GREB1L: variants seen among roughly 807,000 people sequenced by gnomAD.
GREB1L encodes the protein GREB1 like retinoic acid receptor coactivator, also known as GREB1-like protein.
In GREB1L, 17 loss-of-function variants were observed where a neutral mutation model predicts 200.8. The observed-to-expected ratio is 0.08, with a 90% confidence interval of 0.06 to 0.13. The LOEUF (loss-of-function observed/expected upper bound fraction) is 0.13. GREB1L is among the 10% of genes least tolerant of loss of function. The pLI is 1.00. For synonymous variants in GREB1L, 789 were observed against 893.0 expected (o/e 0.88, Z 2.08); for missense variants, 1,657 against 2,367.7 (o/e 0.70, Z 6.23).
chr18:21,500,298 C>A lies in GREB1L; in HGVS notation c.3961C>A (p.Pro1321Thr). Residue 1321 changes from proline to threonine, a missense_variant, in exon 22 of 33, where the codon CCC (proline) becomes ACC (threonine). Transcript: ENST00000424526. ...CCCCCGACGGCTCCTGCTGACAGGGCCCCCACAGGTAGGGCCAAGCCAGCC... is the reference window on the plus strand; with the variant it reads ...CCCCCGACGGCTCCTGCTGACAGGGACCCCACAGGTAGGGCCAAGCCAGCC... ...FHPRRLLLTG[P>T]PQVGKTGSYL... The A allele has an allele frequency of 1.6e-6, 2 of 1,267,344 alleles. No homozygotes were observed. Among genetic ancestry groups the A allele is most frequent in the Non-Finnish European group, 2.2e-6 (2 of 901,250 alleles). 78.5% of individuals were successfully genotyped at this position (1,267,344 alleles called of 1,614,324 possible).
chr18:21,506,164 C>T (rs1031886032), intron 25 of GREB1L, among the ~76,000 whole-genome samples: 7 of 152,078 alleles, frequency 4.6e-5, no homozygotes, highest in Admixed American at 2.0e-4. Context: ...GAGGCCGAGG[C>T]GGGTGGATCA....
At chr18:21,281,335 C>G (rs2038265984) in intron 1 of GREB1L, among the ~76,000 whole-genome samples, 1 of 152,126 alleles carries the variant, frequency 6.6e-6, no homozygotes, top group Non-Finnish European at 1.5e-5. Flanking sequence ...TATTGCCTGT[C>G]CATTTGCTTT....
At chr18:21,280,612 G>A (rs1339716442) in intron 1 of GREB1L, among the ~76,000 whole-genome samples, 1 of 151,966 alleles carries the variant, frequency 6.6e-6, no homozygotes, top group Non-Finnish European at 1.5e-5. Context: ...TACATATATT[G>A]TCTTCTCTTC....
intron 1 of GREB1L, among the ~76,000 whole-genome samples, chr18:21,318,816 A>G (rs1198225643): frequency 6.8e-6 from 1 of 147,050 alleles, no homozygotes; most frequent in East Asian, 1.9e-4. Context: ...ACTGACCAAG[A>G]AGAGCTGGGA....
At chr18:21,487,529 G>A (rs2145829485) in intron 18 of GREB1L, among the ~76,000 whole-genome samples, 1 of 152,284 alleles carries the variant, frequency 6.6e-6, no homozygotes, top group African/African-American at 2.4e-5. Context: ...ACCAGCCCAG[G>A]ATTTATTGAA....
intron 2 of GREB1L, among the ~76,000 whole-genome samples, chr18:21,367,757 G>A (rs1360935865): frequency 6.6e-6 from 1 of 152,142 alleles, no homozygotes; most frequent in Non-Finnish European, 1.5e-5. Context: ...CCTGAATGTG[G>A]TCAAGAAGAA....
At chr18:21,484,329 CA>C (rs141323620) in intron 17 of GREB1L, among the ~76,000 whole-genome samples, 3,444 of 151,940 alleles carry the variant, frequency 0.023, 144 homozygotes, top group African/African-American at 0.079. Context: ...CACCCGCCAC[CA>C]CGCCTGGCTA....
At chr18:21,461,329 G>A (rs775745156) in intron 15 of GREB1L, among the ~76,000 whole-genome samples, 11 of 151,872 alleles carry the variant, frequency 7.2e-5, no homozygotes, top group Non-Finnish European at 1.3e-4. Context: ...CTGGGGTCTC[G>A]TTCCATCAGT....
intron 7 of GREB1L, among the ~76,000 whole-genome samples, chr18:21,413,778 C>T (rs1242564546): frequency 2.6e-5 from 4 of 152,176 alleles, no homozygotes; most frequent in African/African-American, 9.7e-5. Context: ...GCTTGTGAGA[C>T]TTCTATTCCT....
At chr18:21,509,605 T>G (rs2037156648) in intron 27 of GREB1L, among the ~76,000 whole-genome samples, 1 of 152,232 alleles carries the variant, frequency 6.6e-6, no homozygotes, top group Admixed American at 6.5e-5. Flanking sequence ...AAAATGGTTT[T>G]GTTTTGAATA....
At chr18:21,454,685 A>T (rs576672116) in intron 15 of GREB1L, 122 bp downstream of exon 15, 1 of 778,398 alleles carries the variant, frequency 1.3e-6, no homozygotes, top group Non-Finnish European at 2.2e-6. Context: ...AATAAAAATC[A>T]TAAAAGCACT....
At chr18:21,345,333 AACT>A (rs1215775261) in intron 1 of GREB1L, among the ~76,000 whole-genome samples, 32 of 152,228 alleles carry the variant, frequency 2.1e-4, no homozygotes, top group African/African-American at 6.5e-4. Context: ...CTGAAAAAAG[AACT>A]ACTCTGGCTG....
chr18:21,247,545 G>T (rs1203849820), intron 1 of GREB1L, among the ~76,000 whole-genome samples: 2 of 152,134 alleles, frequency 1.3e-5, no homozygotes, highest in East Asian at 3.9e-4. Context: ...CCAAGGTTAG[G>T]AGTTAGGAGG....
chr18:21,489,455 A>T (rs2036248565), intron 18 of GREB1L, among the ~76,000 whole-genome samples: 1 of 152,246 alleles, frequency 6.6e-6, no homozygotes, highest in African/African-American at 2.4e-5. Context: ...TACTCGACAG[A>T]TATTACATTA....
rs534554340 is a variant in GREB1L, at chr18:21,434,285, G to A, written c.833-5236G>A. Among the ~76,000 whole-genome samples the A allele has an allele frequency of 2.0e-5, 3 of 152,090 alleles. No homozygotes were observed. The South Asian group carries it at 6.2e-4, about 32-fold the overall frequency. On this transcript the variant is annotated intron_variant, in intron 7 of 32. Coordinates refer to ENST00000424526, the MANE Select transcript of GREB1L (RefSeq NM_001142966.3). ...AGGTCAGTAGTTCGAGACCAGCCTG[G>A]CCAACATGGCAAAACCTCACCTCCA...
chr18:21,245,033 A>G (rs145373808), intron 1 of GREB1L, among the ~76,000 whole-genome samples: 2 of 152,190 alleles, frequency 1.3e-5, no homozygotes, highest in Non-Finnish European at 1.5e-5. Context: ...CCTAGGGAGT[A>G]TGTTCTTATT....
At chr18:21,271,261 A>G (rs1411298936) in intron 1 of GREB1L, among the ~76,000 whole-genome samples, 2 of 151,946 alleles carry the variant, frequency 1.3e-5, no homozygotes, top group Admixed American at 1.3e-4. Context: ...ATATCTTTGG[A>G]TGTCTTTAGA....
At chr18:21,476,964 T>TA (rs11383175) in intron 16 of GREB1L, among the ~76,000 whole-genome samples, 200 bp from the exon 17 acceptor site, 46,469 of 151,930 alleles carry the variant, frequency 0.31, 9,520 homozygotes, top group African/African-American at 0.55. Context: ...GGAAAAAAAA[T>TA]ACATATTCCT....
chr18:21,516,268 A>G (rs1350812951), intron 29 of GREB1L, among the ~76,000 whole-genome samples: 1 of 152,236 alleles, frequency 6.6e-6, no homozygotes, highest in Admixed American at 6.5e-5. Context: ...TAAATTTGAC[A>G]GAGGCTTCAT....
Sources: allele counts gnomAD v4.1 joint callset (sites outside exome capture counted in the v4.1 genomes callset), GRCh38; gene constraint gnomAD v4.1.1; transcripts MANE v1.5; gene names NCBI Gene and HGNC (gene_info 2026-07-23, HGNC 2026-07-21).